Variants in NEGR1 observed in about 807,000 individuals in gnomAD.
The protein encoded by NEGR1 is neuronal growth regulator 1, also known as IgLON family member 4.
In NEGR1, 10 loss-of-function variants were observed where a neutral mutation model predicts 40.9. The observed-to-expected ratio is 0.24, with a 90% confidence interval of 0.15 to 0.42. The LOEUF is 0.42. Ranked by LOEUF, NEGR1 falls within the 10% of genes least tolerant of loss-of-function variation. The pLI, the probability that NEGR1 is intolerant of heterozygous loss-of-function variation, is 1.00. For synonymous variants in NEGR1, 185 were observed against 166.8 expected (o/e 1.11, Z -0.84); for missense variants, 352 against 438.9 (o/e 0.80, Z 1.77).
chr1:71,971,554 G>C (rs1646256823), intron 1 of NEGR1, among the ~76,000 whole-genome samples: 1 of 152,310 alleles, frequency 6.6e-6, no homozygotes, highest in South Asian at 2.1e-4. Context: ...GTCAGTTCAT[G>C]TAAGTGCTGT....
intron 2 of NEGR1, among the ~76,000 whole-genome samples, chr1:71,818,987 T>C (rs1415728092): frequency 6.6e-6 from 1 of 151,992 alleles, no homozygotes; most frequent in African/African-American, 2.4e-5. Context: ...TTAGATTAGG[T>C]ATAGGCAATT....
At chr1:72,057,722 T>C (rs1465776883) in intron 1 of NEGR1, among the ~76,000 whole-genome samples, 1 of 151,460 alleles carries the variant, frequency 6.6e-6, no homozygotes, top group Non-Finnish European at 1.5e-5. Context: ...TTCTGGAGAC[T>C]GGAAATTCAA....
At chr1:72,094,856 T>C (rs1648638239) in intron 1 of NEGR1, among the ~76,000 whole-genome samples, 1 of 152,182 alleles carries the variant, frequency 6.6e-6, no homozygotes, top group East Asian at 1.9e-4. Flanking sequence ...AAACAAAATG[T>C]TGGATGTATA....
intron 3 of NEGR1, among the ~76,000 whole-genome samples, chr1:71,771,654 G>A (rs1345478498): frequency 8.2e-6 from 1 of 121,690 alleles, no homozygotes; most frequent in Non-Finnish European, 1.6e-5. Flanking sequence ...AGCCGAGATT[G>A]TGCCATTGCA....
At chr1:71,596,087 C>G (rs370655113) in intron 5 of NEGR1, among the ~76,000 whole-genome samples, 122 of 149,350 alleles carry the variant, frequency 8.2e-4, no homozygotes, top group African/African-American at 2.8e-3. Context: ...CTGTAGAGCT[C>G]GGAGTTAAAT....
intron 4 of NEGR1, among the ~76,000 whole-genome samples, chr1:71,666,433 G>A (rs1652243818): frequency 6.6e-6 from 1 of 152,040 alleles, no homozygotes; most frequent in Non-Finnish European, 1.5e-5. Flanking sequence ...CTAAAGCATA[G>A]GCACTCAACC....
At chr1:71,872,489 T>A (rs1660307458) in intron 2 of NEGR1, among the ~76,000 whole-genome samples, 1 of 152,124 alleles carries the variant, frequency 6.6e-6, no homozygotes, top group Non-Finnish European at 1.5e-5. Flanking sequence ...CACTCCCTGT[T>A]TAGGTGGAGA....
chr1:71,505,332 A>C (rs1647024982), intron 6 of NEGR1, among the ~76,000 whole-genome samples: 2 of 150,994 alleles, frequency 1.3e-5, no homozygotes, highest in Admixed American at 1.3e-4. Flanking sequence ...CTTTCGCCGG[A>C]GTGCAGTGGC....
At chr1:71,719,616 G>T (rs193049119) in intron 3 of NEGR1, among the ~76,000 whole-genome samples, 3 of 149,700 alleles carry the variant, frequency 2.0e-5, no homozygotes, top group Admixed American at 2.0e-4. Context: ...CTAGACAGGA[G>T]CCAGTGTTTT....
At chr1:71,824,521 T>C (rs1016938541) in intron 2 of NEGR1, among the ~76,000 whole-genome samples, 1 of 151,938 alleles carries the variant, frequency 6.6e-6, no homozygotes, top group Non-Finnish European at 1.5e-5. Context: ...AGAAAGTACA[T>C]ACTTTTTAAC....
chr1:72,145,790 C>A (rs993266593), intron 1 of NEGR1, among the ~76,000 whole-genome samples: 2 of 152,042 alleles, frequency 1.3e-5, no homozygotes, highest in African/African-American at 4.8e-5. Context: ...TATCATAAAG[C>A]AATACTACTA....
chr1:72,234,276 GT>G (rs1268009624), intron 1 of NEGR1, among the ~76,000 whole-genome samples: 1 of 152,024 alleles, frequency 6.6e-6, no homozygotes, highest in Non-Finnish European at 1.5e-5. Context: ...AAAGATAATG[GT>G]CTCTGGCTCC....
intron 1 of NEGR1, among the ~76,000 whole-genome samples, chr1:72,141,819 G>T (rs759044110): frequency 9.2e-5 from 14 of 152,070 alleles, no homozygotes; most frequent in Admixed American, 2.0e-4. Flanking sequence ...ACTGTGCCTT[G>T]TAGTTTATGA....
intron 4 of NEGR1, among the ~76,000 whole-genome samples, chr1:71,642,330 GA>G (rs1024780362): frequency 1.3e-5 from 2 of 151,414 alleles, no homozygotes; most frequent in Non-Finnish European, 2.9e-5. Flanking sequence ...ATGTTAGAAA[GA>G]AAGGAAGAAT....
At chr1:71,483,796 A>C (rs2101375480) in intron 6 of NEGR1, among the ~76,000 whole-genome samples, 1 of 151,928 alleles carries the variant, frequency 6.6e-6, no homozygotes, top group South Asian at 2.1e-4. Flanking sequence ...TAAGTAGCTA[A>C]GACTTTCTGG....
chr1:71,757,068 C>T (rs1050535058), intron 3 of NEGR1, among the ~76,000 whole-genome samples: 6 of 152,022 alleles, frequency 3.9e-5, no homozygotes, highest in African/African-American at 1.4e-4. Context: ...TTTTTTAAGT[C>T]ATGATCTCTC....
intron 6 of NEGR1, among the ~76,000 whole-genome samples, chr1:71,455,718 T>C (rs1008697650): frequency 1.3e-5 from 2 of 152,108 alleles, no homozygotes; most frequent in Non-Finnish European, 2.9e-5. Context: ...AGCAAGACTC[T>C]GTCTCAAAAA....
chr1:71,668,201 T>C (rs1652303523), intron 4 of NEGR1, among the ~76,000 whole-genome samples: 1 of 152,224 alleles, frequency 6.6e-6, no homozygotes, highest in South Asian at 2.1e-4. Context: ...TCACAGAGGT[T>C]CATTCAGCTG....
intron 1 of NEGR1, among the ~76,000 whole-genome samples, chr1:71,943,785 A>G (rs1372517064): frequency 2.0e-5 from 3 of 152,242 alleles, no homozygotes; most frequent in Admixed American, 6.5e-5. Flanking sequence ...AATGATTACT[A>G]TGGGTTAAGA....
Sources: allele counts gnomAD v4.1 joint callset (sites outside exome capture counted in the v4.1 genomes callset), GRCh38; gene constraint gnomAD v4.1.1; transcripts MANE v1.5; gene names NCBI Gene and HGNC (gene_info 2026-07-23, HGNC 2026-07-21).